Variants in GNAQ observed in about 807,000 individuals in gnomAD.
GNAQ encodes the protein G protein subunit alpha q.
GNAQ carries 8 observed loss-of-function variants against 43.9 expected under a neutral mutation model. The ratio of observed to expected loss-of-function variants is 0.18; its 90% CI spans 0.11 to 0.33. GNAQ has a LOEUF of 0.33. Among genes scored for constraint, GNAQ ranks in the 10% least tolerant of loss-of-function variants. The probability of loss-of-function intolerance (pLI) is 1.00; values close to 1 mark genes in which losing one functional copy is unlikely to be tolerated. For missense variants in GNAQ, 158 were observed against 450.8 expected, an observed-to-expected ratio of 0.35 and a Z score of 5.88; for synonymous variants, 155 against 170.7, an observed-to-expected ratio of 0.91 and a Z score of 0.71.
intron 2 of GNAQ, among the ~76,000 whole-genome samples, chr9:77,867,174 T>G (rs1200987383): frequency 1.3e-5 from 2 of 152,100 alleles, no homozygotes; most frequent in African/African-American, 2.4e-5. Context: ...TGGCCCCCAC[T>G]TCCCCCCGCC....
Position 77,737,604 on chromosome 9 carries a change from C to G in GNAQ, c.736-8937G>C, listed in dbSNP as rs74609469. ...AACTTATTCAGCATCCCAACGTATT[C>G]CAACTCCTTGGGTTATGTCCCCATT... On this transcript the variant is annotated intron_variant, in intron 5 of 6. Transcript: ENST00000286548. Among the ~76,000 whole-genome samples the G allele has an allele frequency of 4.5e-3, 692 of 152,302 alleles. 2 individuals are homozygous for G. The highest frequency in any genetic ancestry group is 7.1e-3 in the Admixed American group (108 of 15,304).
chr9:77,903,394 C>T (rs1442110895), intron 2 of GNAQ, among the ~76,000 whole-genome samples: 3 of 152,166 alleles, frequency 2.0e-5, no homozygotes, highest in Non-Finnish European at 4.4e-5. Flanking sequence ...CTCACAAAGC[C>T]TCAGTTTCCT....
At chr9:77,859,238 T>C (rs1434107719) in intron 2 of GNAQ, among the ~76,000 whole-genome samples, 1 of 152,208 alleles carries the variant, frequency 6.6e-6, no homozygotes, top group South Asian at 2.1e-4. Context: ...CACCTCATAC[T>C]CTGCTGATGA....
intron 1 of GNAQ, among the ~76,000 whole-genome samples, chr9:77,992,898 T>A (rs969188142): frequency 6.6e-6 from 1 of 152,100 alleles, no homozygotes; most frequent in East Asian, 1.9e-4. Context: ...CGAGCCGAGA[T>A]CAAGCCACTA....
chr9:77,883,458 G>GTTT (rs531622228), intron 2 of GNAQ, among the ~76,000 whole-genome samples: 2 of 138,884 alleles, frequency 1.4e-5, no homozygotes. Context: ...AAAGGGGGTA[G>GTTT]TTTTTTTTTT....
At chr9:77,977,370 T>C (rs1220916468) in intron 1 of GNAQ, among the ~76,000 whole-genome samples, 2 of 152,068 alleles carry the variant, frequency 1.3e-5, no homozygotes, top group Admixed American at 1.3e-4. Context: ...CCCAAGACTT[T>C]CTTCCTTGAC....
chr9:77,897,339 G>T (rs1483840032), intron 2 of GNAQ, among the ~76,000 whole-genome samples: 1 of 152,220 alleles, frequency 6.6e-6, no homozygotes, highest in Non-Finnish European at 1.5e-5. Context: ...CCTTACTGCA[G>T]CAGAGCACAG....
chr9:77,918,811 A>G (rs1383069677), intron 2 of GNAQ, among the ~76,000 whole-genome samples: 1 of 152,164 alleles, frequency 6.6e-6, no homozygotes, highest in East Asian at 1.9e-4. Context: ...CTGACAGTAT[A>G]TAGCATTTAT....
chr9:77,919,368 A>T (rs1246845865), intron 2 of GNAQ, among the ~76,000 whole-genome samples: 1 of 152,178 alleles, frequency 6.6e-6, no homozygotes. Context: ...GGAAAATAAG[A>T]TCAACATCCA....
chr9:77,932,070 A>T (rs899301674), intron 1 of GNAQ, among the ~76,000 whole-genome samples: 1 of 152,218 alleles, frequency 6.6e-6, no homozygotes, highest in African/African-American at 2.4e-5. Flanking sequence ...AGACAGGATC[A>T]TTAACAGAAC....
intron 5 of GNAQ, among the ~76,000 whole-genome samples, chr9:77,789,947 C>A (rs1826541897): frequency 2.0e-5 from 3 of 148,680 alleles, no homozygotes; most frequent in African/African-American, 7.5e-5. Context: ...AGAAGGAGTA[C>A]AATAATGAGG....
intron 2 of GNAQ, among the ~76,000 whole-genome samples, chr9:77,915,990 G>A (rs1441126989): frequency 6.6e-6 from 1 of 152,156 alleles, no homozygotes; most frequent in African/African-American, 2.4e-5. Context: ...TAAAGACTTA[G>A]CACAGAATCC....
At chr9:77,928,578 G>T (rs547795711) in intron 1 of GNAQ, among the ~76,000 whole-genome samples, 3 of 152,142 alleles carry the variant, frequency 2.0e-5, no homozygotes, top group Admixed American at 2.0e-4. Context: ...CCTCCCAGAA[G>T]AGTCACTTGA....
At chr9:77,763,542 G>A (rs1186494586) in intron 5 of GNAQ, among the ~76,000 whole-genome samples, 2 of 152,170 alleles carry the variant, frequency 1.3e-5, no homozygotes, top group Admixed American at 6.5e-5. Context: ...CAAAGATCTT[G>A]CCATTTGCGA....
At chr9:77,885,372 G>A (rs1404210117) in intron 2 of GNAQ, among the ~76,000 whole-genome samples, 5 of 152,192 alleles carry the variant, frequency 3.3e-5, no homozygotes, top group Admixed American at 2.6e-4. Flanking sequence ...AATTCTAAGT[G>A]AGCTTTGCTG....
At chr9:77,757,683 T>A (rs1294751191) in intron 5 of GNAQ, among the ~76,000 whole-genome samples, 1 of 152,222 alleles carries the variant, frequency 6.6e-6, no homozygotes, top group Non-Finnish European at 1.5e-5. Flanking sequence ...CTATCAACTC[T>A]GTAAGAACCA....
chr9:77,758,676 G>A (rs1360477247), intron 5 of GNAQ, among the ~76,000 whole-genome samples: 1 of 152,004 alleles, frequency 6.6e-6, no homozygotes, highest in Non-Finnish European at 1.5e-5. Flanking sequence ...ATAAATGGTA[G>A]CACATGTATT....
At chr9:77,831,208 C>T (rs952151012) in intron 2 of GNAQ, among the ~76,000 whole-genome samples, 1 of 152,140 alleles carries the variant, frequency 6.6e-6, no homozygotes, top group South Asian at 2.1e-4. Context: ...TAATGTGTCA[C>T]AAATTAATCA....
At chr9:77,904,117 C>G (rs1363727513) in intron 2 of GNAQ, among the ~76,000 whole-genome samples, 1 of 152,042 alleles carries the variant, frequency 6.6e-6, no homozygotes, top group East Asian at 1.9e-4. Context: ...GCCTGGTAGG[C>G]TGAACACTTG....
Sources: gnomAD v4.1 joint callset for allele counts (sites outside exome capture counted in the v4.1 genomes callset) on GRCh38, gnomAD v4.1.1 for gene constraint, MANE v1.5 for transcripts, NCBI Gene and HGNC (gene_info 2026-07-23, HGNC 2026-07-21) for gene names.